LIMS1: variants seen among roughly 807,000 people sequenced by gnomAD.
LIMS1 encodes LIM and senescent cell antigen-like-containing domain protein 1.
In LIMS1, 18 loss-of-function variants were observed where a neutral mutation model predicts 44.1. The ratio of observed to expected loss-of-function variants is 0.41; its 90% CI spans 0.28 to 0.61. The LOEUF (loss-of-function observed/expected upper bound fraction) is 0.61. Ranked by LOEUF, LIMS1 falls within the 20% of genes least tolerant of loss-of-function variation. The pLI is 0.32. For missense variants in LIMS1, 201 were observed against 422.0 expected (o/e 0.48, Z 4.59); for synonymous variants, 93 against 149.1 (o/e 0.62, Z 2.74).
intron 1 of LIMS1, among the ~76,000 whole-genome samples, chr2:108,638,929 G>C (rs1314291933): frequency 6.6e-6 from 1 of 152,146 alleles, no homozygotes; most frequent in African/African-American, 2.4e-5. Context: ...TGTAGTCCCA[G>C]CTACTCGGGA....
In LIMS1 at chr2:108,534,595, G is replaced by C. The variant is rs1186418499; in HGVS notation, c.32+1G>C. On this transcript the variant is annotated splice_donor_variant, in intron 1 of 9. Coordinates refer to ENST00000544547, the Ensembl canonical transcript of LIMS1. LOFTEE classifies it high-confidence loss of function. ...GCGTGGCGGCCGGGATGACCCACAG[G>C]TACGGGCCGCACCGCGCGGCCCCCG... The C allele has an allele frequency of 2.7e-5, 31 of 1,150,114 alleles. No individual in the cohort carries two copies. The highest frequency in any genetic ancestry group is 4.1e-5 in the South Asian group (1 of 24,426). 71.2% of individuals were successfully genotyped at this position (1,150,114 alleles called of 1,614,324 possible). A position where few individuals can be genotyped will look rare whatever the true frequency, so the allele number is the denominator to read the frequency against.
At chr2:108,593,419 T>C (rs1454424124) in intron 1 of LIMS1, among the ~76,000 whole-genome samples, 1 of 152,180 alleles carries the variant, frequency 6.6e-6, no homozygotes. Context: ...AAAGGAATGC[T>C]GGGGAAAAGG....
rs914941840 is a variant in LIMS1 at position 108,608,202 on chromosome 2, T to C, written c.33-51403T>C. 5.3e-5 allele frequency among the ~76,000 whole-genome samples: 8 copies of C among 152,316 alleles called. No individual in the cohort carries two copies. In the South Asian group the frequency reaches 1.7e-3, roughly 32 times the overall value. On this transcript the variant is annotated intron_variant, in intron 1 of 9. Transcript: ENST00000544547. ...TTTTGTGCATATCTTTATACTTTCA[T>C]TACACATTTATGTATTCTTAACAGT...
At chr2:108,588,331 A>G (rs1184981033) in intron 1 of LIMS1, 2 of 985,262 alleles carry the variant, frequency 2.0e-6, no homozygotes, top group Non-Finnish European at 2.4e-6. Context: ...CAACAGAGAC[A>G]AAGCTAAGAT....
chr2:108,602,933 T>C (rs560552481), intron 1 of LIMS1, among the ~76,000 whole-genome samples: 1 of 151,916 alleles, frequency 6.6e-6, no homozygotes, highest in Non-Finnish European at 1.5e-5. Flanking sequence ...GCCTGGCTAA[T>C]TTTTTGTATT....
At chr2:108,645,014 CTTTG>C (rs1558825665) in intron 1 of LIMS1, among the ~76,000 whole-genome samples, 2 of 152,084 alleles carry the variant, frequency 1.3e-5, no homozygotes, top group Non-Finnish European at 2.9e-5. Flanking sequence ...AAGACCAGAT[CTTTG>C]TTTGATTGGT....
chr2:108,638,870 C>T (rs772056879), intron 1 of LIMS1, among the ~76,000 whole-genome samples: 8 of 152,036 alleles, frequency 5.3e-5, no homozygotes, highest in East Asian at 1.9e-4. Flanking sequence ...GGTGAAACCC[C>T]GTCTCTACTA....
At chr2:108,665,270 G>C (rs1232247946) in intron 2 of LIMS1, among the ~76,000 whole-genome samples, 1 of 152,118 alleles carries the variant, frequency 6.6e-6, no homozygotes, top group Non-Finnish European at 1.5e-5. Flanking sequence ...TATATGGTAT[G>C]GCCTATCCCT....
chr2:108,551,036 C>T (rs1181166227), intron 1 of LIMS1, among the ~76,000 whole-genome samples: 1 of 150,152 alleles, frequency 6.7e-6, no homozygotes, highest in Non-Finnish European at 1.5e-5. Flanking sequence ...GGCTGAGGTG[C>T]GAGGATCACT....
intron 1 of LIMS1, among the ~76,000 whole-genome samples, chr2:108,612,053 CAT>C (rs113417984): frequency 0.052 from 4,596 of 89,220 alleles, 215 homozygotes; most frequent in African/African-American, 0.16. Context: ...CACACACACA[CAT>C]ATATATATAT....
At chr2:108,647,635 C>T (rs968196734) in intron 1 of LIMS1, among the ~76,000 whole-genome samples, 4 of 152,186 alleles carry the variant, frequency 2.6e-5, no homozygotes, top group African/African-American at 9.7e-5. Flanking sequence ...TCAGCTTCAT[C>T]CCTGGGATAC....
chr2:108,608,724 G>A (rs1687416118), intron 1 of LIMS1, among the ~76,000 whole-genome samples: 1 of 152,128 alleles, frequency 6.6e-6, no homozygotes, highest in South Asian at 2.1e-4. Context: ...TTGATCTTGA[G>A]AGAAGCAGGG....
chr2:108,590,578 G>C, intron 1 of LIMS1, among the ~76,000 whole-genome samples: 1 of 152,310 alleles, frequency 6.6e-6, no homozygotes, highest in South Asian at 2.1e-4. Flanking sequence ...CAAAAAGAGC[G>C]GGGAACCCCC....
In LIMS1 at chr2:108,540,904, T is replaced by C. The variant is rs1279362805; in HGVS notation, c.32+6310T>C. ...CACATTGCATTGTTACAGTTTGTTGTGTGTATATATTTTATCTTTTTGTCT... is the reference window on the plus strand; with the variant it reads ...CACATTGCATTGTTACAGTTTGTTGCGTGTATATATTTTATCTTTTTGTCT... On this transcript the variant is annotated intron_variant, in intron 1 of 9. Coordinates refer to ENST00000544547, the Ensembl canonical transcript of LIMS1. 2.0e-5 allele frequency among the ~76,000 whole-genome samples: 3 copies of C among 152,336 alleles called. No individual in the cohort carries two copies. In the South Asian group the frequency reaches 6.2e-4, roughly 32 times the overall value.
At chr2:108,682,370 G>A (rs1045031711) in intron 9 of LIMS1, among the ~76,000 whole-genome samples, 1 of 152,012 alleles carries the variant, frequency 6.6e-6, no homozygotes, top group Non-Finnish European at 1.5e-5. Flanking sequence ...CATGGTGGCG[G>A]GTGCCTGTAA....
At chr2:108,537,131 C>T (rs1022200162) in intron 1 of LIMS1, among the ~76,000 whole-genome samples, 2 of 152,108 alleles carry the variant, frequency 1.3e-5, no homozygotes, top group East Asian at 1.9e-4. Context: ...GCAGTTGTAC[C>T]GACTGTTGTT....
chr2:108,590,569 A>C (rs1356382680), intron 1 of LIMS1, among the ~76,000 whole-genome samples: 1 of 152,224 alleles, frequency 6.6e-6, no homozygotes, highest in East Asian at 1.9e-4. Context: ...GAGGCTAACC[A>C]AAAAGAGCGG....
chr2:108,676,492 A>G (rs1692575185), intron 6 of LIMS1, 114 bp from the exon 7 acceptor site: 2 of 1,286,400 alleles, frequency 1.6e-6, no homozygotes, highest in Non-Finnish European at 2.1e-6. Context: ...GCCAAATGAA[A>G]TGACTGTCTC....
rs10202312 is a variant in LIMS1, at chr2:108,538,915, C to T, written c.32+4321C>T. On this transcript the variant is annotated intron_variant, in intron 1 of 9. Transcript: ENST00000544547. ...TTTACTTCAACAAGCTGTCTTAGAG[C>T]GGTGTATCTGGGTTTACCTTATGTT... Among the ~76,000 whole-genome samples the T allele has an allele frequency of 4.3e-3, 647 of 152,218 alleles. 6 individuals carry two copies. Among genetic ancestry groups the T allele is most frequent in the African/African-American group, 0.015 (604 of 41,516 alleles).
Sources: gnomAD v4.1 joint callset for allele counts (sites outside exome capture counted in the v4.1 genomes callset) on GRCh38, gnomAD v4.1.1 for gene constraint, MANE v1.5 for transcripts, NCBI Gene and HGNC (gene_info 2026-07-23, HGNC 2026-07-21) for gene names.